SYNPR: variants seen among roughly 807,000 people sequenced by gnomAD.
The protein encoded by SYNPR is synaptoporin.
Under a neutral mutation model 32.9 loss-of-function variants are expected in SYNPR, and 23 were observed. The ratio of observed to expected loss-of-function variants is 0.70; its 90% CI spans 0.50 to 0.99. The LOEUF is 0.99. Ranked by LOEUF, SYNPR falls within the 50% of genes least tolerant of loss-of-function variation. The probability of loss-of-function intolerance (pLI) is 0.00; values close to 1 mark genes in which losing one functional copy is unlikely to be tolerated. For synonymous variants in SYNPR, 146 were observed against 135.9 expected (o/e 1.07, Z -0.52); for missense variants, 318 against 349.3 (o/e 0.91, Z 0.71).
chr3:63,206,817 C>T, the SYNPR span, among the ~76,000 whole-genome samples: 1 of 152,112 alleles, frequency 6.6e-6, no homozygotes, highest in Non-Finnish European at 1.5e-5. Flanking sequence ...GAAGTAGACA[C>T]CTGAGCTGGG....
intron 2 of SYNPR, among the ~76,000 whole-genome samples, chr3:63,464,139 T>C (rs1472045838): frequency 1.3e-5 from 2 of 152,212 alleles, no homozygotes; most frequent in Non-Finnish European, 2.9e-5. Context: ...TGCATTGTGT[T>C]TGCTCTGATG....
At chr3:63,288,164 A>G (rs950937924) in intron 2 of SYNPR, among the ~76,000 whole-genome samples, 8 of 152,194 alleles carry the variant, frequency 5.3e-5, no homozygotes, top group African/African-American at 1.9e-4. Context: ...TCATAAGTCA[A>G]TAGCCAGTCT....
intron 2 of SYNPR, among the ~76,000 whole-genome samples, chr3:63,450,752 C>T (rs1302317441): frequency 6.6e-6 from 1 of 152,108 alleles, no homozygotes; most frequent in Non-Finnish European, 1.5e-5. Context: ...TTGCAGTGGG[C>T]TTGTCACACA....
chr3:63,291,995 C>T lies in SYNPR; in HGVS notation c.84+13253C>T, dbSNP rs144469893. Among the ~76,000 whole-genome samples, 781 of 152,276 alleles carry T rather than the reference C, an allele frequency of 5.1e-3. 8 individuals are homozygous for T. Among genetic ancestry groups the T allele is most frequent in the African/African-American group, 0.018 (752 of 41,548 alleles). Reference sequence around the variant, plus strand: ...GATAGCCTACTACACACCTAGGCTACATGTACAGCCTATTGCTCCTAGGCT... The same window carrying T: ...GATAGCCTACTACACACCTAGGCTATATGTACAGCCTATTGCTCCTAGGCT... On this transcript the variant is annotated intron_variant, in intron 2 of 5. Transcript: ENST00000478300.
chr3:63,591,209 C>A (rs1306426734), intron 4 of SYNPR, among the ~76,000 whole-genome samples: 3 of 143,290 alleles, frequency 2.1e-5, no homozygotes, highest in Non-Finnish European at 1.5e-5. Flanking sequence ...TGAAAAAATG[C>A]TCATCATCAC....
intron 2 of SYNPR, among the ~76,000 whole-genome samples, chr3:63,398,217 G>C (rs1223354280): frequency 6.6e-6 from 1 of 152,188 alleles, no homozygotes; most frequent in Admixed American, 6.5e-5. Flanking sequence ...AGAAGACAAA[G>C]TAACTGCATA....
chr3:63,351,211 ACCATAAGTACTG>A (rs1034136383), intron 2 of SYNPR, among the ~76,000 whole-genome samples: 1 of 152,178 alleles, frequency 6.6e-6, no homozygotes, highest in African/African-American at 2.4e-5. Flanking sequence ...ACAGATAAGC[ACCATAAGTACTG>A]CTCATTTATT....
At chr3:63,465,247 A>C (rs1700654764) in intron 2 of SYNPR, among the ~76,000 whole-genome samples, 1 of 152,126 alleles carries the variant, frequency 6.6e-6, no homozygotes, top group Admixed American at 6.6e-5. Flanking sequence ...ATGAGGCAGA[A>C]CTAAATGGGT....
At chr3:63,527,734 C>T (rs537070035) in intron 3 of SYNPR, among the ~76,000 whole-genome samples, 1 of 152,262 alleles carries the variant, frequency 6.6e-6, no homozygotes, top group East Asian at 1.9e-4. Flanking sequence ...TGTTTAAGCC[C>T]AGCAACCCCC....
At chr3:63,485,535 G>A (rs1334877890) in intron 3 of SYNPR, among the ~76,000 whole-genome samples, 1 of 152,156 alleles carries the variant, frequency 6.6e-6, no homozygotes, top group African/African-American at 2.4e-5. Flanking sequence ...GAGAAAGTGT[G>A]TCGAGCTGTG....
chr3:63,594,039 G>T (rs1231859015), intron 4 of SYNPR, among the ~76,000 whole-genome samples: 1 of 152,134 alleles, frequency 6.6e-6, no homozygotes, highest in East Asian at 1.9e-4. Context: ...CCTGAGTTTG[G>T]TACCCAACCT....
intron 2 of SYNPR, among the ~76,000 whole-genome samples, chr3:63,364,914 T>A (rs151130832): frequency 1.8e-4 from 27 of 152,228 alleles, no homozygotes; most frequent in African/African-American, 6.0e-4. Context: ...ATATCCTCGG[T>A]GGCTGAAATA....
At chr3:63,359,243 A>G (rs1026524841) in intron 2 of SYNPR, among the ~76,000 whole-genome samples, 1 of 152,132 alleles carries the variant, frequency 6.6e-6, no homozygotes, top group Non-Finnish European at 1.5e-5. Context: ...CATGTTTTTG[A>G]TATCATGTAG....
At chr3:63,302,934 C>T (rs916712577) in intron 2 of SYNPR, among the ~76,000 whole-genome samples, 2 of 151,748 alleles carry the variant, frequency 1.3e-5, no homozygotes, top group Non-Finnish European at 2.9e-5. Context: ...AAAGAAAAGA[C>T]AAATATTTAA....
At chr3:63,268,747 C>T (rs895635904) in intron 3 of SYNPR, among the ~76,000 whole-genome samples, 1 of 152,114 alleles carries the variant, frequency 6.6e-6, no homozygotes, top group African/African-American at 2.4e-5. Flanking sequence ...CAATAACTCA[C>T]ACAGTTCAAA....
At chr3:63,394,869 T>C (rs2088190931) in intron 2 of SYNPR, among the ~76,000 whole-genome samples, 1 of 152,224 alleles carries the variant, frequency 6.6e-6, no homozygotes, top group Non-Finnish European at 1.5e-5. Flanking sequence ...AAAGGAATAC[T>C]GAGTATTAGT....
At chr3:63,330,167 A>G (rs139042395) in intron 2 of SYNPR, 48 of 152,278 alleles carry the variant, frequency 3.2e-4, no homozygotes, top group African/African-American at 1.1e-3. Flanking sequence ...AATGTACCCT[A>G]TGGAAAAGTA....
intron 2 of SYNPR, among the ~76,000 whole-genome samples, chr3:63,430,886 G>T (rs554533912): frequency 6.6e-6 from 1 of 152,294 alleles, no homozygotes; most frequent in South Asian, 2.1e-4. Flanking sequence ...AGTGTTCCAT[G>T]AGTATCAGCT....
At chr3:63,577,408 A>G (rs368935121) in intron 4 of SYNPR, among the ~76,000 whole-genome samples, 1 of 152,188 alleles carries the variant, frequency 6.6e-6, no homozygotes, top group African/African-American at 2.4e-5. Context: ...GAAAGCCAAT[A>G]GCTATATATG....
Sources: gnomAD v4.1 joint callset for allele counts (sites outside exome capture counted in the v4.1 genomes callset) on GRCh38, gnomAD v4.1.1 for gene constraint, MANE v1.5 for transcripts, NCBI Gene and HGNC (gene_info 2026-07-23, HGNC 2026-07-21) for gene names.